Variants in CDH18 observed in about 807,000 individuals in gnomAD.
The protein encoded by CDH18 is cadherin-18.
In CDH18, 31 loss-of-function variants were observed where a neutral mutation model predicts 67.9. The ratio of observed to expected loss-of-function variants is 0.46; its 90% CI spans 0.34 to 0.62. The LOEUF (loss-of-function observed/expected upper bound fraction) is 0.62, where lower values mean the gene tolerates loss of function less well. CDH18 is among the 20% of genes least tolerant of loss of function. The pLI, the probability that CDH18 is intolerant of heterozygous loss-of-function variation, is 0.01. For synonymous variants in CDH18, 362 were observed against 347.2 expected (o/e 1.04, Z -0.48); for missense variants, 890 against 975.5 (o/e 0.91, Z 1.17).
intron 2 of CDH18, among the ~76,000 whole-genome samples, chr5:20,223,781 A>T (rs1210173008): frequency 2.0e-5 from 3 of 152,116 alleles, no homozygotes; most frequent in African/African-American, 7.2e-5. Flanking sequence ...CCCTTTGTGT[A>T]GGGGGAACTT....
In CDH18 at chr5:20,069,280, A is replaced by G. The variant is rs1017636323; in HGVS notation, c.-517-77266T>C. Among the ~76,000 whole-genome samples, 7 of 152,182 alleles carry G rather than the reference A, an allele frequency of 4.6e-5. No individual in the cohort carries two copies. In the East Asian group the frequency reaches 7.7e-4, roughly 17 times the overall value. Reference sequence around the variant, plus strand: ...GCTGCCATTTCTGAGGCTTTTTGCCATAAGTAGCTTCTTCTCAAGCCTGAG... The same window carrying G: ...GCTGCCATTTCTGAGGCTTTTTGCCGTAAGTAGCTTCTTCTCAAGCCTGAG... On this transcript the variant is annotated intron_variant, in intron 2 of 14. Transcript: ENST00000507958.
At chr5:19,520,899 G>T (rs1233478131) in intron 9 of CDH18, 121 bp from the exon 10 acceptor site, 22 of 1,033,606 alleles carry the variant, frequency 2.1e-5, no homozygotes, top group Non-Finnish European at 2.9e-5. Flanking sequence ...TGGACTTTTG[G>T]CAAACGACAA....
intron 2 of CDH18, among the ~76,000 whole-genome samples, chr5:20,023,450 G>C (rs920756175): frequency 1.3e-5 from 2 of 152,058 alleles, no homozygotes; most frequent in Non-Finnish European, 2.9e-5. Flanking sequence ...ACCAGGTCAG[G>C]AGATCGAGAC....
chr5:20,256,589 T>A (rs1425550423), intron 1 of CDH18, among the ~76,000 whole-genome samples: 1 of 152,052 alleles, frequency 6.6e-6, no homozygotes, highest in East Asian at 1.9e-4. Flanking sequence ...ATTTTGGGAA[T>A]GCTGGGAGGG....
At chr5:20,298,665 A>T (rs946528552) in intron 1 of CDH18, among the ~76,000 whole-genome samples, 1 of 152,202 alleles carries the variant, frequency 6.6e-6, no homozygotes, top group Non-Finnish European at 1.5e-5. Context: ...AGTTTATATT[A>T]CACTATACCA....
At chr5:20,112,319 A>C (rs115838065) in intron 2 of CDH18, among the ~76,000 whole-genome samples, 2,275 of 152,274 alleles carry the variant, frequency 0.015, 63 homozygotes, top group African/African-American at 0.052. Flanking sequence ...TGACAGAAAC[A>C]TATTTCTTGA....
At chr5:19,868,680 A>G (rs752786414) in intron 2 of CDH18, among the ~76,000 whole-genome samples, 3 of 152,174 alleles carry the variant, frequency 2.0e-5, no homozygotes, top group Admixed American at 6.6e-5. Flanking sequence ...ATCCCTCAAT[A>G]TAAGAAGGAA....
At chr5:19,668,622 A>C (rs189680252) in intron 5 of CDH18, among the ~76,000 whole-genome samples, 233 of 152,232 alleles carry the variant, frequency 1.5e-3, no homozygotes, top group African/African-American at 5.4e-3. Context: ...GAGTCAAAAG[A>C]GCTCAGTGTG....
chr5:20,295,965 G>A (rs1327923822), intron 1 of CDH18, among the ~76,000 whole-genome samples: 36 of 142,084 alleles, frequency 2.5e-4, no homozygotes, highest in African/African-American at 7.6e-4. Context: ...TCTGTCTCCC[G>A]GGTTCAAACG....
At chr5:20,112,719 T>TA (rs57393212) in intron 2 of CDH18, among the ~76,000 whole-genome samples, 4 of 151,818 alleles carry the variant, frequency 2.6e-5, no homozygotes, top group East Asian at 1.9e-4. Context: ...TCTCAAAAAA[T>TA]AAAAAAAATA....
intron 9 of CDH18, among the ~76,000 whole-genome samples, chr5:19,529,371 T>C (rs1248356173): frequency 1.3e-5 from 2 of 152,052 alleles, no homozygotes; most frequent in Non-Finnish European, 2.9e-5. Context: ...TGATCACCCT[T>C]ATCAGTGAAT....
intron 4 of CDH18, among the ~76,000 whole-genome samples, chr5:19,731,893 C>T (rs1233506220): frequency 6.6e-6 from 1 of 152,024 alleles, no homozygotes; most frequent in African/African-American, 2.4e-5. Context: ...AGTTTAAGAC[C>T]AGCCTGGGCA....
intron 5 of CDH18, among the ~76,000 whole-genome samples, chr5:19,621,218 T>C (rs1750642083): frequency 7.0e-6 from 1 of 143,594 alleles, no homozygotes; most frequent in Admixed American, 6.9e-5. Flanking sequence ...GAACCCAGGT[T>C]TTTTTTTTTT....
At chr5:19,637,108 GTTTTT>G (rs925258509) in intron 5 of CDH18, among the ~76,000 whole-genome samples, 2 of 151,704 alleles carry the variant, frequency 1.3e-5, no homozygotes, top group Non-Finnish European at 2.9e-5. Context: ...GTAGATTTCT[GTTTTT>G]TTGTTTTCCT....
intron 2 of CDH18, among the ~76,000 whole-genome samples, chr5:20,225,182 G>A (rs996786109): frequency 1.3e-5 from 2 of 152,042 alleles, no homozygotes; most frequent in African/African-American, 2.4e-5. Context: ...AAGTCACTGT[G>A]TACCTTATTT....
intron 2 of CDH18, among the ~76,000 whole-genome samples, chr5:20,254,010 C>T (rs1461406679): frequency 2.6e-5 from 4 of 152,160 alleles, no homozygotes; most frequent in Non-Finnish European, 5.9e-5. Flanking sequence ...AGGGTCAAAT[C>T]ATGTACAAAG....
chr5:20,216,699 C>T (rs1319620002), intron 2 of CDH18, among the ~76,000 whole-genome samples: 2 of 151,924 alleles, frequency 1.3e-5, no homozygotes, highest in Non-Finnish European at 2.9e-5. Flanking sequence ...CCTGTAGATT[C>T]CTTCTTGTCC....
intron 9 of CDH18, among the ~76,000 whole-genome samples, chr5:19,522,577 G>T (rs1276029793): frequency 2.0e-5 from 3 of 152,036 alleles, no homozygotes; most frequent in African/African-American, 7.2e-5. Flanking sequence ...AGATAATTCA[G>T]ACTTGTATGA....
At chr5:19,563,001 G>A (rs1200225544) in intron 8 of CDH18, among the ~76,000 whole-genome samples, 1 of 152,032 alleles carries the variant, frequency 6.6e-6, no homozygotes, top group African/African-American at 2.4e-5. Flanking sequence ...AGATGCTAAA[G>A]TTAAAAAAAG....
Sources: allele counts gnomAD v4.1 joint callset (sites outside exome capture counted in the v4.1 genomes callset), GRCh38; gene constraint gnomAD v4.1.1; transcripts MANE v1.5; gene names NCBI Gene and HGNC (gene_info 2026-07-23, HGNC 2026-07-21).